Variants in ZZEF1 observed in about 807,000 individuals in gnomAD.
ZZEF1 encodes the protein zinc finger ZZ-type and EF-hand domain containing 1.
A neutral mutation model predicts 342.8 loss-of-function variants in ZZEF1; 157 were observed. The ratio of observed to expected loss-of-function variants is 0.46; its 90% CI spans 0.40 to 0.52. The LOEUF (loss-of-function observed/expected upper bound fraction) is 0.52, where lower values mean the gene tolerates loss of function less well. Among genes scored for constraint, ZZEF1 ranks in the 20% least tolerant of loss-of-function variants. The pLI is 0.00. For missense variants in ZZEF1, 3,480 were observed against 3,725.6 expected (o/e 0.93, Z 1.72); for synonymous variants, 1,505 against 1,429.1 (o/e 1.05, Z -1.20).
At position 4,090,760 on chromosome 17, in the gene ZZEF1, C is replaced by T. The variant is rs1264082923; in HGVS notation, c.1984G>A (p.Asp662Asn). 11 of 1,614,170 alleles carry T rather than the reference C, an allele frequency of 6.8e-6. No homozygotes were observed. Among genetic ancestry groups the T allele is most frequent in the Non-Finnish European group, 9.3e-6 (11 of 1,180,028 alleles). The change falls in exon 12 of 55, where the codon GAT (aspartate) becomes AAT (asparagine). Residue 662 changes from aspartate (D) to asparagine (N), a missense_variant. By Grantham distance (23) the Asp-to-Asn change is conservative. Transcript: ENST00000381638. ...IGWFELEEEW[D>N]EADVKLQQCR... ...TGTTGCAGCTTCACATCTGCTTCAT[C>T]CCATTCTTCTTCCAGTTCAAACCAG... is the stretch of plus-strand genomic sequence containing the variant.
chr17:4,081,484 C>T lies in ZZEF1; in HGVS notation c.2721G>A (p.Lys907=). 2 of 1,613,718 alleles carry T rather than the reference C, an allele frequency of 1.2e-6. No individual in the cohort carries two copies. Among genetic ancestry groups the T allele is most frequent in the Non-Finnish European group, 1.7e-6 (2 of 1,179,700 alleles). ...GTAAAAGAAGAAGGCCGCCTGGATC[C>T]TTGTCACTGAAAGGATACAAATTAG... ...FRSLCTYFSD[K]DPGGLLLLPE... The change falls in exon 18 of 55, where the codon AAG becomes AAA. Residue 907 remains lysine (K), a synonymous_variant. Transcript: ENST00000381638.
chr17:4,085,574 C>G, intron 16 of ZZEF1, 96 bp downstream of exon 16: 16 of 1,466,446 alleles, frequency 1.1e-5, no homozygotes, highest in Non-Finnish European at 1.4e-5. Flanking sequence ...ACATCTGGGA[C>G]GTTGCAACAG....
rs144559283 is a variant in ZZEF1, at chr17:4,092,890, G to A, written c.1914-2060C>T. Among the ~76,000 whole-genome samples, 306 of 151,786 alleles carry A rather than the reference G, an allele frequency of 2.0e-3. 3 individuals carry two copies. Among genetic ancestry groups the A allele is most frequent in the Non-Finnish European group, 3.4e-3 (229 of 67,936 alleles). ...GACAGATGAATCCTAGTCCTCTGAC[G>A]TAGGCACAGCACCAACTGCTGACCC... On this transcript the variant is annotated intron_variant, in intron 11 of 54. Transcript: ENST00000381638.
rs183022587 is a variant in ZZEF1 at position 4,117,410 on chromosome 17, C to T, written c.500-244G>A. ...CCTGTAATCCCAGCACTTTGGGAGG[C>T]CGAGGCGGACGGATGACCTGAGGTC... On this transcript the variant is annotated intron_variant, in intron 2 of 54. Transcript: ENST00000381638. 7.1e-3 allele frequency among the ~76,000 whole-genome samples: 1,077 copies of T among 152,236 alleles called. 6 individuals carry two copies. Among genetic ancestry groups the T allele is most frequent in the Non-Finnish European group, 0.011 (731 of 68,012 alleles).
intron 34 of ZZEF1, 25 bp from the exon 35 acceptor site, chr17:4,052,161 G>A (rs1048505835): frequency 7.5e-6 from 12 of 1,594,094 alleles, no homozygotes; most frequent in Non-Finnish European, 1.0e-5. Flanking sequence ...AGCAGTGTGA[G>A]GGGATGAGGT....
chr17:4,007,357 TGAGATGCCCTG>T (rs1038283792), intron 54 of ZZEF1, among the ~76,000 whole-genome samples: 11 of 152,188 alleles, frequency 7.2e-5, no homozygotes, highest in African/African-American at 2.7e-4. Flanking sequence ...AGGAGGGCAC[TGAGATGCCCTG>T]GAGGCGAGGC....
intron 12 of ZZEF1, 112 bp from the exon 13 acceptor site, chr17:4,089,005 A>T: frequency 7.6e-6 from 7 of 923,340 alleles, no homozygotes; most frequent in Non-Finnish European, 1.1e-5. Context: ...GTAATTTATT[A>T]GGAAACATTA....
At chr17:4,102,494 G>A (rs1375275655) in intron 8 of ZZEF1, 79 bp from the exon 9 acceptor site, 11 of 1,241,258 alleles carry the variant, frequency 8.9e-6, no homozygotes, top group African/African-American at 1.5e-5. Context: ...TGTGGAAATA[G>A]AGTCCTGTGG....
chr17:4,057,617 C>G (rs1196955502), intron 32 of ZZEF1, among the ~76,000 whole-genome samples: 2 of 152,194 alleles, frequency 1.3e-5, no homozygotes, highest in Non-Finnish European at 2.9e-5. Context: ...GAAAGGATTT[C>G]CCAATTCAGC....
chr17:4,073,995 T>C (rs2057559174), intron 24 of ZZEF1, among the ~76,000 whole-genome samples, 155 bp downstream of exon 24: 1 of 152,146 alleles, frequency 6.6e-6, no homozygotes, highest in South Asian at 2.1e-4. Flanking sequence ...GACAATGGTA[T>C]TGAGTGGACA....
At position 4,090,635 on chromosome 17, in the gene ZZEF1, T is replaced by C. The variant is rs965297678; in HGVS notation, c.2025+84A>G. On this transcript the variant is annotated intron_variant, in intron 12 of 54. Coordinates refer to ENST00000381638, the MANE Select transcript of ZZEF1 (RefSeq NM_015113.4). Reference sequence around the variant, plus strand: ...TAGATTCGCCTCTGGGGTTGTAGCATTGGCACAGGGCTGATACACAATCAC... The same window carrying C: ...TAGATTCGCCTCTGGGGTTGTAGCACTGGCACAGGGCTGATACACAATCAC... The C allele has an allele frequency of 1.5e-4, 170 of 1,120,264 alleles. No homozygotes were observed. The African/African-American group carries it at 2.3e-3, about 15-fold the overall frequency. 69.4% of individuals were successfully genotyped at this position (1,120,264 alleles called of 1,614,324 possible). A position where few individuals can be genotyped will look rare whatever the true frequency, so the allele number is the denominator to read the frequency against.
At chr17:4,123,576 A>T (rs551183635) in intron 2 of ZZEF1, among the ~76,000 whole-genome samples, 12 of 152,172 alleles carry the variant, frequency 7.9e-5, no homozygotes, top group African/African-American at 2.9e-4. Flanking sequence ...TGAATTGATC[A>T]ATTACAATGG....
At chr17:4,137,975 C>G (rs942878341) in intron 1 of ZZEF1, among the ~76,000 whole-genome samples, 3 of 149,844 alleles carry the variant, frequency 2.0e-5, no homozygotes, top group Non-Finnish European at 4.4e-5. Context: ...CTAGCCAGCA[C>G]AGGGCTCATG....
At chr17:4,117,801 A>G (rs2058422574) in intron 2 of ZZEF1, among the ~76,000 whole-genome samples, 1 of 152,218 alleles carries the variant, frequency 6.6e-6, no homozygotes. Context: ...TGCGTATAGA[A>G]TACAGGGTAG....
intron 39 of ZZEF1, among the ~76,000 whole-genome samples, chr17:4,034,792 T>C (rs1182692455): frequency 6.6e-6 from 1 of 151,150 alleles, no homozygotes; most frequent in East Asian, 1.9e-4. Flanking sequence ...AGCCCAGGAG[T>C]TCAAGACCAG....
chr17:4,012,267 G>A (rs924808288), intron 52 of ZZEF1, among the ~76,000 whole-genome samples: 46 of 152,304 alleles, frequency 3.0e-4, no homozygotes, highest in Middle Eastern at 6.8e-3. Flanking sequence ...GTCTGTGTAT[G>A]AGGACACGGG....
intron 33 of ZZEF1, among the ~76,000 whole-genome samples, chr17:4,055,999 A>G (rs932377429): frequency 6.6e-6 from 1 of 152,146 alleles, no homozygotes; most frequent in Non-Finnish European, 1.5e-5. Context: ...CCAATGCCGC[A>G]GCTGATCGGA....
intron 25 of ZZEF1, among the ~76,000 whole-genome samples, chr17:4,071,648 T>A (rs2057511008): frequency 1.3e-5 from 2 of 151,888 alleles, no homozygotes; most frequent in Non-Finnish European, 2.9e-5. Flanking sequence ...TGGACAGGAA[T>A]GGGGAGACAG....
intron 17 of ZZEF1, 59 bp downstream of exon 17, chr17:4,082,376 CAA>C: frequency 6.4e-7 from 1 of 1,563,680 alleles, no homozygotes; most frequent in Non-Finnish European, 8.8e-7. Context: ...AGGGCAAGCT[CAA>C]GAAAACAACT....
Sources: gnomAD v4.1 joint callset for allele counts (sites outside exome capture counted in the v4.1 genomes callset) on GRCh38, gnomAD v4.1.1 for gene constraint, MANE v1.5 for transcripts, NCBI Gene and HGNC (gene_info 2026-07-23, HGNC 2026-07-21) for gene names.